Variants in LRRC4C observed in about 807,000 individuals in gnomAD.
The protein encoded by LRRC4C is leucine rich repeat containing 4C, also known as leucine-rich repeat-containing protein 4C.
A neutral mutation model predicts 33.6 loss-of-function variants in LRRC4C; 5 were observed. The observed-to-expected ratio is 0.15, with a 90% CI of 0.08 to 0.31. The LOEUF (loss-of-function observed/expected upper bound fraction) is 0.31. Among genes scored for constraint, LRRC4C ranks in the 10% least tolerant of loss-of-function variants. The probability of loss-of-function intolerance (pLI) is 1.00; values close to 1 mark genes in which losing one functional copy is unlikely to be tolerated. For missense variants in LRRC4C, 560 were observed against 796.7 expected (o/e 0.70, Z 3.58); for synonymous variants, 329 against 302.0 (o/e 1.09, Z -0.93).
intron 1 of LRRC4C, among the ~76,000 whole-genome samples, chr11:41,354,347 C>T (rs77476125): frequency 6.6e-6 from 1 of 151,944 alleles, no homozygotes; most frequent in Non-Finnish European, 1.5e-5. Context: ...AGGAGAATTA[C>T]AAAACACTGC....
chr11:40,972,472 TA>T (rs1481584126), intron 1 of LRRC4C, among the ~76,000 whole-genome samples: 1 of 152,080 alleles, frequency 6.6e-6, no homozygotes, highest in Non-Finnish European at 1.5e-5. Flanking sequence ...TGAGATTTGG[TA>T]GGGGCCAGGG....
chr11:40,714,291 A>G (rs1437495749), intron 2 of LRRC4C, among the ~76,000 whole-genome samples: 1 of 152,208 alleles, frequency 6.6e-6, no homozygotes, highest in Non-Finnish European at 1.5e-5. Flanking sequence ...AACGTTTATT[A>G]TTATTTTAAG....
chr11:40,227,309 C>A lies in LRRC4C; in HGVS notation c.-96+14210G>T, dbSNP rs147542091. Among the ~76,000 whole-genome samples the A allele has an allele frequency of 1.4e-3, 214 of 152,322 alleles. 2 individuals are homozygous for A. The highest frequency in any genetic ancestry group is 4.9e-3 in the African/African-American group (205 of 41,568). ...CAGGTAAAACATCCTATATTTATCTCTCTCAATCTGCATAAGTAGGTGATG... is the reference window on the plus strand; with the variant it reads ...CAGGTAAAACATCCTATATTTATCTATCTCAATCTGCATAAGTAGGTGATG... On this transcript the variant is annotated intron_variant, in intron 5 of 6. Coordinates refer to ENST00000528697, the MANE Select transcript of LRRC4C (RefSeq NM_001258419.2).
chr11:40,740,649 T>C (rs1948114099), intron 2 of LRRC4C, among the ~76,000 whole-genome samples: 3 of 152,096 alleles, frequency 2.0e-5, no homozygotes, highest in Admixed American at 6.6e-5. Flanking sequence ...TGCAGTTTGA[T>C]TAGTTTATTT....
chr11:41,213,716 T>C (rs1358179722), intron 1 of LRRC4C, among the ~76,000 whole-genome samples: 2 of 152,220 alleles, frequency 1.3e-5, no homozygotes, highest in African/African-American at 4.8e-5. Flanking sequence ...AGGGTAAATA[T>C]GCACTTCCAT....
At chr11:40,375,406 C>T (rs148260468) in intron 3 of LRRC4C, among the ~76,000 whole-genome samples, 17 of 152,260 alleles carry the variant, frequency 1.1e-4, no homozygotes, top group Admixed American at 3.3e-4. Flanking sequence ...CAAATCAACA[C>T]GCCATCCCTG....
At chr11:41,434,545 C>T (rs1052999286) in intron 1 of LRRC4C, among the ~76,000 whole-genome samples, 3 of 152,056 alleles carry the variant, frequency 2.0e-5, no homozygotes, top group African/African-American at 7.2e-5. Flanking sequence ...GACGTACATC[C>T]CATGATACAA....
At chr11:41,433,991 C>T (rs928261514) in intron 1 of LRRC4C, among the ~76,000 whole-genome samples, 4 of 151,988 alleles carry the variant, frequency 2.6e-5, no homozygotes, top group Admixed American at 6.6e-5. Flanking sequence ...AAGCATGATT[C>T]CAATTATAGA....
At chr11:41,003,938 T>A (rs961682913) in intron 1 of LRRC4C, among the ~76,000 whole-genome samples, 1 of 152,032 alleles carries the variant, frequency 6.6e-6, no homozygotes, top group African/African-American at 2.4e-5. Context: ...AAAGGTCACA[T>A]TCCAAAGTCT....
At chr11:40,464,855 G>C (rs1228409966) in intron 3 of LRRC4C, among the ~76,000 whole-genome samples, 1 of 151,832 alleles carries the variant, frequency 6.6e-6, no homozygotes, top group Non-Finnish European at 1.5e-5. Flanking sequence ...ACATGGATTG[G>C]AAGAATCAAT....
intron 1 of LRRC4C, among the ~76,000 whole-genome samples, chr11:41,368,392 C>T (rs2922048): frequency 0.62 from 94,614 of 152,004 alleles, 30,274 homozygotes; most frequent in East Asian, 0.79. Context: ...AACACCTGTT[C>T]GGAGAAAAAT....
chr11:41,305,666 G>C (rs1302866350), intron 1 of LRRC4C, among the ~76,000 whole-genome samples: 1 of 76,840 alleles, frequency 1.3e-5, no homozygotes, highest in African/African-American at 3.6e-5. Flanking sequence ...GATTAAGGGC[G>C]GTGCAAGATG....
chr11:40,828,153 A>G (rs1276985623), intron 2 of LRRC4C, among the ~76,000 whole-genome samples: 2 of 2,548 alleles, frequency 7.8e-4, no homozygotes, highest in African/African-American at 1.2e-3. Context: ...ATACAAACAT[A>G]CACACACACA....
At chr11:40,967,903 A>T (rs1009672055) in intron 1 of LRRC4C, among the ~76,000 whole-genome samples, 1 of 151,980 alleles carries the variant, frequency 6.6e-6, no homozygotes, top group African/African-American at 2.4e-5. Context: ...CCAATTAATA[A>T]GCTACCAATC....
chr11:40,945,491 G>A (rs952241408), intron 1 of LRRC4C, among the ~76,000 whole-genome samples: 7 of 152,070 alleles, frequency 4.6e-5, no homozygotes, highest in African/African-American at 7.2e-5. Flanking sequence ...AATATAATGA[G>A]CGTTTGAACA....
intron 1 of LRRC4C, among the ~76,000 whole-genome samples, chr11:40,935,218 T>C (rs551672816): frequency 5.7e-4 from 87 of 152,304 alleles, no homozygotes; most frequent in Non-Finnish European, 1.1e-3. Flanking sequence ...AATATTTTGT[T>C]GATTAAGGAA....
At chr11:40,626,485 C>T (rs1189040687) in intron 3 of LRRC4C, among the ~76,000 whole-genome samples, 1 of 152,140 alleles carries the variant, frequency 6.6e-6, no homozygotes, top group Non-Finnish European at 1.5e-5. Context: ...ATGTGCTTCA[C>T]ATAGCACAGA....
intron 2 of LRRC4C, among the ~76,000 whole-genome samples, chr11:40,894,798 C>T (rs1390524015): frequency 1.3e-5 from 2 of 152,118 alleles, no homozygotes; most frequent in African/African-American, 4.8e-5. Context: ...GGCCTGGAAC[C>T]ACTTTAATTT....
intron 4 of LRRC4C, among the ~76,000 whole-genome samples, chr11:40,276,588 G>T (rs1477945697): frequency 6.6e-6 from 1 of 151,746 alleles, no homozygotes; most frequent in Non-Finnish European, 1.5e-5. Flanking sequence ...AATAACAGAG[G>T]AAGATAAGTG....
Sources: allele counts gnomAD v4.1 joint callset (sites outside exome capture counted in the v4.1 genomes callset), GRCh38; gene constraint gnomAD v4.1.1; transcripts MANE v1.5; gene names NCBI Gene and HGNC (gene_info 2026-07-23, HGNC 2026-07-21).